The following ADCY8 variants were observed in gnomAD, a reference collection of about 807,000 sequenced individuals.
ADCY8 encodes the protein adenylate cyclase 8.
ADCY8 carries 51 observed loss-of-function variants against 119.7 expected under a neutral mutation model. That is an observed-to-expected ratio of 0.43 (90% confidence interval 0.34 to 0.54). The LOEUF is 0.54. Among genes scored for constraint, ADCY8 ranks in the 20% least tolerant of loss-of-function variants. ADCY8 has a pLI of 0.03. For missense variants in ADCY8, 1,383 were observed against 1,598.8 expected, an observed-to-expected ratio of 0.87 and a Z score of 2.30; for synonymous variants, 665 against 651.0, an observed-to-expected ratio of 1.02 and a Z score of -0.33.
At chr8:130,952,386 C>T (rs914370286) in intron 2 of ADCY8, among the ~76,000 whole-genome samples, 11 of 152,130 alleles carry the variant, frequency 7.2e-5, no homozygotes, top group African/African-American at 2.7e-4. Context: ...TAAGAATGGC[C>T]TTACCAAGGA....
intron 14 of ADCY8, among the ~76,000 whole-genome samples, chr8:130,807,194 A>G (rs933894991): frequency 3.3e-5 from 5 of 152,194 alleles, no homozygotes; most frequent in Admixed American, 3.3e-4. Context: ...GGGGAACTAT[A>G]GTCTGGTCCT....
intron 5 of ADCY8, among the ~76,000 whole-genome samples, chr8:130,936,691 G>A (rs760147431): frequency 2.6e-5 from 4 of 152,058 alleles, no homozygotes; most frequent in Non-Finnish European, 5.9e-5. Flanking sequence ...CAAGCACTTG[G>A]ATTTGATTTA....
At chr8:130,904,072 A>G (rs11781997) in intron 6 of ADCY8, 30 bp from the exon 7 acceptor site, 859,100 of 1,584,606 alleles carry the variant, frequency 0.54, 237,809 homozygotes, top group East Asian at 0.67. Flanking sequence ...GTCATTACAC[A>G]CTCCTGATGT....
intron 15 of ADCY8, among the ~76,000 whole-genome samples, chr8:130,787,604 AC>A: frequency 6.6e-6 from 1 of 152,330 alleles, no homozygotes; most frequent in East Asian, 1.9e-4. Flanking sequence ...TGTGTACAGT[AC>A]ATGTGTAGTG....
chr8:130,903,095 C>T (rs1357615338), intron 7 of ADCY8, among the ~76,000 whole-genome samples: 1 of 152,042 alleles, frequency 6.6e-6, no homozygotes, highest in Non-Finnish European at 1.5e-5. Context: ...GGAGTCTGAG[C>T]ATCTCATTGG....
chr8:130,908,818 G>T (rs142987510), intron 6 of ADCY8, among the ~76,000 whole-genome samples: 283 of 152,282 alleles, frequency 1.9e-3, no homozygotes, highest in South Asian at 0.015. Flanking sequence ...GCAAGGGGCA[G>T]AGTGGGAATC....
rs780241069 is a variant in ADCY8 at position 130,943,361 on chromosome 8, C to T, written c.1343G>A (p.Arg448Gln). 15 of 1,612,336 alleles carry T rather than the reference C, an allele frequency of 9.3e-6. No individual in the cohort carries two copies. The highest frequency in any genetic ancestry group is 2.2e-5 in the East Asian group (1 of 44,832). The part of the protein sequence containing the change: ...MLNELFARFD[R>Q]LAHEHHCLRI... ...TTAAATTCAACTCACATGGGCCAGT[C>T]GATCAAATCTGGCAAAGAGCTCGTT... Residue 448 changes from arginine (R) to glutamine (Q), a missense_variant, in exon 4 of 18, where the codon CGA (arginine) becomes CAA (glutamine). Arg to Gln is a conservative substitution (Grantham distance 43, BLOSUM62 1). This residue lies in a region of ADCY8 where 928 missense variants were observed against 1,163.5 expected (regional missense o/e 0.80). Coordinates refer to ENST00000286355, the MANE Select transcript of ADCY8 (RefSeq NM_001115.3).
chr8:130,809,329 T>A (rs1816087102), intron 14 of ADCY8, among the ~76,000 whole-genome samples: 1 of 152,180 alleles, frequency 6.6e-6, no homozygotes, highest in African/African-American at 2.4e-5. Flanking sequence ...TTTCTTCATC[T>A]AGAAAATGGG....
chr8:130,874,310 A>AAAATAAATAAAT (rs142984550), intron 8 of ADCY8, among the ~76,000 whole-genome samples: 33 of 147,990 alleles, frequency 2.2e-4, no homozygotes, highest in South Asian at 4.3e-4. Flanking sequence ...TCTGACTTAA[A>AAAATAAATAAAT]AAATAAATAA....
intron 7 of ADCY8, among the ~76,000 whole-genome samples, 196 bp downstream of exon 7, chr8:130,903,576 A>T (rs1554614647): frequency 6.7e-6 from 1 of 149,214 alleles, no homozygotes; most frequent in Non-Finnish European, 1.5e-5. Context: ...ACCCTCTGGC[A>T]TTTCTGGCAT....
chr8:131,019,839 G>GTC (rs1563770617), intron 1 of ADCY8, among the ~76,000 whole-genome samples: 113 of 75,918 alleles, frequency 1.5e-3, no homozygotes, highest in African/African-American at 5.4e-3. Context: ...CTCTCTCTCT[G>GTC]TCTGTCTCTC....
At chr8:130,799,859 A>G in intron 15 of ADCY8, among the ~76,000 whole-genome samples, 1 of 152,016 alleles carries the variant, frequency 6.6e-6, no homozygotes, top group Non-Finnish European at 1.5e-5. Flanking sequence ...GGTGTCCTTC[A>G]AGATGGGGAA....
At chr8:131,017,406 G>C (rs1175597064) in intron 1 of ADCY8, among the ~76,000 whole-genome samples, 1 of 152,184 alleles carries the variant, frequency 6.6e-6, no homozygotes, top group African/African-American at 2.4e-5. Flanking sequence ...GCAGGCAGCA[G>C]TCGGAGCTAG....
rs576656814 is a variant in ADCY8, at chr8:130,812,261, G to A, written c.2913+1808C>T. Among the ~76,000 whole-genome samples the A allele has an allele frequency of 1.8e-4, 26 of 148,536 alleles. No individual in the cohort carries two copies. In the South Asian group the frequency reaches 5.2e-3, roughly 30 times the overall value. On this transcript the variant is annotated intron_variant, in intron 14 of 17. Transcript: ENST00000286355. ...CCCATTGTATGTGGAAATGACCATC[G>A]CCCATGGAGCTTGACCATTAGGCTC... is the stretch of plus-strand genomic sequence containing the variant.
At chr8:130,826,998 G>A (rs1201009897) in intron 12 of ADCY8, among the ~76,000 whole-genome samples, 1 of 152,020 alleles carries the variant, frequency 6.6e-6, no homozygotes, top group African/African-American at 2.4e-5. Flanking sequence ...AAACCAACAC[G>A]GCACATGTAT....
intron 14 of ADCY8, among the ~76,000 whole-genome samples, chr8:130,808,053 CACAA>C (rs1382474906): frequency 1.5e-5 from 2 of 135,538 alleles, no homozygotes; most frequent in African/African-American, 2.8e-5. Flanking sequence ...GTTATAACAG[CACAA>C]ACAAACTAAG....
intron 5 of ADCY8, among the ~76,000 whole-genome samples, chr8:130,926,396 C>T (rs1820468838): frequency 6.6e-6 from 1 of 151,632 alleles, no homozygotes; most frequent in Non-Finnish European, 1.5e-5. Context: ...AAAAGGTTTC[C>T]CTCATACTCG....
At chr8:130,960,666 C>T (rs745407956) in intron 2 of ADCY8, among the ~76,000 whole-genome samples, 21 of 151,974 alleles carry the variant, frequency 1.4e-4, no homozygotes, top group Admixed American at 3.3e-4. Context: ...CATGGATGGG[C>T]TAGTGCCAGA....
At chr8:130,980,890 C>T (rs890676205) in intron 2 of ADCY8, among the ~76,000 whole-genome samples, 18 of 152,200 alleles carry the variant, frequency 1.2e-4, no homozygotes, top group African/African-American at 4.3e-4. Context: ...CCCTACCCCA[C>T]TTAAGTGATT....
Sources: gnomAD v4.1 joint callset for allele counts (sites outside exome capture counted in the v4.1 genomes callset) on GRCh38, gnomAD v4.1.1 for gene constraint, gnomAD v4.1.1 regional missense constraint, MANE v1.5 for transcripts, NCBI Gene and HGNC (gene_info 2026-07-23, HGNC 2026-07-21) for gene names.